The following GRIK1 variants were observed in gnomAD, a reference collection of about 807,000 sequenced individuals.
GRIK1 encodes glutamate receptor ionotropic, kainate 1.
Under a neutral mutation model 105.7 loss-of-function variants are expected in GRIK1, and 69 were observed. That is an observed-to-expected ratio of 0.65 (90% CI 0.54 to 0.80). The LOEUF is 0.80. Ranked by LOEUF, GRIK1 falls within the 30% of genes least tolerant of loss-of-function variation. The pLI, the probability that GRIK1 is intolerant of heterozygous loss-of-function variation, is 0.00. For synonymous variants in GRIK1, 438 were observed against 431.3 expected (o/e 1.02, Z -0.19); for missense variants, 1,109 against 1,167.3 (o/e 0.95, Z 0.73).
intron 1 of GRIK1, among the ~76,000 whole-genome samples, chr21:29,793,848 T>A (rs554671480): frequency 2.0e-5 from 3 of 152,370 alleles, no homozygotes; most frequent in African/African-American, 7.2e-5. Context: ...TAATTGTTTG[T>A]CTGCCAAGTG....
intron 1 of GRIK1, among the ~76,000 whole-genome samples, chr21:29,879,260 C>T (rs570314078): frequency 2.0e-5 from 3 of 152,038 alleles, no homozygotes; most frequent in African/African-American, 4.8e-5. Flanking sequence ...AATTGGTGGT[C>T]TGGAGTTCTT....
In GRIK1 at chr21:29,596,543, A is replaced by T. The variant is rs1212767201; in HGVS notation, c.1234T>A (p.Tyr412Asn). 2 of 1,608,388 alleles carry T rather than the reference A, an allele frequency of 1.2e-6. No individual in the cohort carries two copies. Among genetic ancestry groups the T allele is most frequent in the Non-Finnish European group, 1.7e-6 (2 of 1,174,776 alleles). ...GTACAAACCTTCTTCCACACTTTAT[A>T]CAAGTGTTTAGACACTTCGCCAGCA... ...KAAGEVSKHL[Y>N]KVWKKIGIWN... The change falls in exon 9 of 18, where the codon TAT becomes AAT. Residue 412 changes from tyrosine (Y) to asparagine (N), a missense_variant. By Grantham distance (143) the Tyr-to-Asn change is moderately radical. This residue lies in a region of GRIK1 where 612 missense variants were observed against 586.0 expected (regional missense o/e 1.04). Coordinates refer to ENST00000327783, the MANE Select transcript of GRIK1 (RefSeq NM_001330994.2).
chr21:29,910,430 G>A (rs541277567), intron 1 of GRIK1, among the ~76,000 whole-genome samples: 106 of 152,188 alleles, frequency 7.0e-4, no homozygotes, highest in Non-Finnish European at 1.1e-3. Context: ...TGAGAGGCCT[G>A]AGAAGGGCAG....
chr21:29,640,536 TC>T (rs2062490838), intron 7 of GRIK1, among the ~76,000 whole-genome samples: 1 of 152,182 alleles, frequency 6.6e-6, no homozygotes, highest in African/African-American at 2.4e-5. Flanking sequence ...GAGATTTGCT[TC>T]TTTGGAGTGA....
chr21:29,916,186 A>G (rs1263740113), intron 1 of GRIK1, among the ~76,000 whole-genome samples: 2 of 151,980 alleles, frequency 1.3e-5, no homozygotes, highest in African/African-American at 2.4e-5. Flanking sequence ...TGAAATTTAC[A>G]CAGAAAAGTA....
chr21:29,788,290 A>G (rs62211992), intron 1 of GRIK1, among the ~76,000 whole-genome samples: 1 of 152,196 alleles, frequency 6.6e-6, no homozygotes, highest in Non-Finnish European at 1.5e-5. Flanking sequence ...AAGGTGGTCA[A>G]GACGGGCATT....
chr21:29,904,388 T>C (rs933903759), intron 1 of GRIK1, among the ~76,000 whole-genome samples: 4 of 152,070 alleles, frequency 2.6e-5, no homozygotes, highest in Admixed American at 1.3e-4. Context: ...ATTATGACTA[T>C]ATAGTGTATG....
intron 2 of GRIK1, among the ~76,000 whole-genome samples, chr21:29,692,668 G>A (rs969970669): frequency 6.6e-6 from 1 of 152,106 alleles, no homozygotes; most frequent in African/African-American, 2.4e-5. Context: ...CTACTTCCCG[G>A]GTTCACACTA....
rs533067166 is a variant in GRIK1, at chr21:29,692,294, C to T, written c.286+1602G>A. On this transcript the variant is annotated intron_variant, in intron 2 of 17. Transcript: ENST00000327783. ...TGTGGTTGGCTTTCTACAGTATTTG[C>T]TCCACAATGTGTAGGAGTGTTAGTG... Among the ~76,000 whole-genome samples, 36 of 152,198 alleles carry T rather than the reference C, an allele frequency of 2.4e-4. 1 individual carries two copies. The South Asian group carries it at 4.4e-3, about 18-fold the overall frequency.
chr21:29,654,855 G>T lies in GRIK1; in HGVS notation c.735C>A (p.Phe245Leu). Residue 245 changes from phenylalanine to leucine, a missense_variant, in exon 5 of 18, where the codon TTC (phenylalanine) becomes TTA (leucine). Phe to Leu is a conservative substitution (Grantham distance 22). Coordinates refer to ENST00000327783, the MANE Select transcript of GRIK1 (RefSeq NM_001330994.2). The part of the protein sequence containing the change: ...TAAEILKQIL[F>L]MGMMTEYYHY... ...GATAGTACTCGGTCATCATGCCCATGAACAGAATCTGCAAAAGAGAAATAA... is the reference window on the plus strand; with the variant it reads ...GATAGTACTCGGTCATCATGCCCATTAACAGAATCTGCAAAAGAGAAATAA... The T allele has an allele frequency of 1.3e-6, 2 of 1,575,610 alleles. No individual in the cohort carries two copies. The highest frequency in any genetic ancestry group is 1.7e-6 in the Non-Finnish European group (2 of 1,144,924).
chr21:29,554,595 A>C (rs533564235), intron 16 of GRIK1, among the ~76,000 whole-genome samples: 26 of 152,170 alleles, frequency 1.7e-4, no homozygotes, highest in Non-Finnish European at 3.7e-4. Flanking sequence ...GAAGTGTTCA[A>C]TTTCGTAGTA....
intron 1 of GRIK1, among the ~76,000 whole-genome samples, chr21:29,883,993 G>A (rs186867047): frequency 1.3e-5 from 2 of 152,058 alleles, no homozygotes; most frequent in Admixed American, 6.6e-5. Flanking sequence ...AAAGAAGGGG[G>A]GGATGCTTTA....
chr21:29,928,936 GGGGCCACATCAA>G (rs1231725703), intron 1 of GRIK1, among the ~76,000 whole-genome samples: 1 of 152,154 alleles, frequency 6.6e-6, no homozygotes, highest in Non-Finnish European at 1.5e-5. Flanking sequence ...AACTCCCACT[GGGGCCACATCAA>G]GGTCCTCACT....
chr21:29,807,402 A>G (rs1217040442), intron 1 of GRIK1, among the ~76,000 whole-genome samples: 2 of 152,116 alleles, frequency 1.3e-5, no homozygotes, highest in Non-Finnish European at 2.9e-5. Context: ...GGAACCAGGA[A>G]GGCAAGTGAG....
At chr21:29,697,282 G>A (rs533825720) in intron 1 of GRIK1, among the ~76,000 whole-genome samples, 2 of 152,128 alleles carry the variant, frequency 1.3e-5, no homozygotes, top group South Asian at 4.2e-4. Flanking sequence ...TTTTATTATC[G>A]TACCTGGATA....
intron 1 of GRIK1, among the ~76,000 whole-genome samples, chr21:29,889,972 A>T (rs1370471882): frequency 6.6e-6 from 1 of 152,008 alleles, no homozygotes; most frequent in African/African-American, 2.4e-5. Context: ...CACCGATGCA[A>T]CCCTTATCTG....
Position 29,814,700 on chromosome 21 carries a change from A to G in GRIK1, c.119-120637T>C, listed in dbSNP as rs2067107092. On this transcript the variant is annotated intron_variant, in intron 1 of 17. Coordinates refer to ENST00000327783, the MANE Select transcript of GRIK1 (RefSeq NM_001330994.2). ...GAGGCAAAGAGAGAAAATAAGTTGC[A>G]CAGAAATTCATCTTTAAATCCTTTG... Among the ~76,000 whole-genome samples the G allele has an allele frequency of 2.6e-5, 4 of 152,302 alleles. No homozygotes were observed. In the East Asian group the frequency reaches 7.7e-4, roughly 29 times the overall value.
At chr21:29,560,353 TTCTTTTTCTTTCTTCCTTCCTTC>T (rs2090387234) in intron 15 of GRIK1, among the ~76,000 whole-genome samples, 8 of 100,604 alleles carry the variant, frequency 8.0e-5, no homozygotes, top group Admixed American at 2.1e-4. Context: ...CTTTCTTTCT[TTCTTTTTCTTTCTTCCTTCCTTC>T]CTTCCTTCCT....
chr21:29,756,885 G>A (rs550711114), intron 1 of GRIK1, among the ~76,000 whole-genome samples: 4 of 152,240 alleles, frequency 2.6e-5, no homozygotes, highest in African/African-American at 9.6e-5. Context: ...AGGCCGAGGT[G>A]GGCGGATCGT....
Sources: gnomAD v4.1 joint callset for allele counts (sites outside exome capture counted in the v4.1 genomes callset) on GRCh38, gnomAD v4.1.1 for gene constraint, gnomAD v4.1.1 regional missense constraint, MANE v1.5 for transcripts, NCBI Gene and HGNC (gene_info 2026-07-23, HGNC 2026-07-21) for gene names.